Variants in CLPTM1L observed in about 807,000 individuals in gnomAD.
CLPTM1L encodes the protein CLPTM1 like, also known as lipid scramblase CLPTM1L.
CLPTM1L carries 38 observed loss-of-function variants against 70.9 expected under a neutral mutation model. That is an observed-to-expected ratio of 0.54 (90% CI 0.41 to 0.70). CLPTM1L has a LOEUF of 0.70. Among genes scored for constraint, CLPTM1L ranks in the 30% least tolerant of loss-of-function variants. The pLI, the probability that CLPTM1L is intolerant of heterozygous loss-of-function variation, is 0.00. For synonymous variants in CLPTM1L, 339 were observed against 299.9 expected (o/e 1.13, Z -1.35); for missense variants, 652 against 705.9 (o/e 0.92, Z 0.87).
At chr5:1,325,853 T>A in intron 9 of CLPTM1L, 37 bp from the exon 10 acceptor site, 7 of 1,591,162 alleles carry the variant, frequency 4.4e-6, no homozygotes, top group Non-Finnish European at 6.0e-6. Flanking sequence ...CCTTTAATAT[T>A]CGAAGGCCAG....
In CLPTM1L at chr5:1,338,237, G is replaced by C. The variant is rs1753707994; in HGVS notation, c.600-255C>G. 1.6e-5 allele frequency: 9 copies of C among 562,534 alleles called. No homozygotes were observed. In the South Asian group the frequency reaches 1.8e-4, roughly 11 times the overall value. 34.8% of individuals were successfully genotyped at this position (562,534 alleles called of 1,614,324 possible). On this transcript the variant is annotated intron_variant, in intron 4 of 16. Coordinates refer to ENST00000320895, the MANE Select transcript of CLPTM1L (RefSeq NM_030782.5). ...GAAAATGCCTCCACGGCCACTAGGA[G>C]CGGGGGAATTACAGGGACACGGCCG...
rs550010362 is a variant in CLPTM1L, at chr5:1,323,967, A to AGCTACAG, written c.1198-105_1198-99dup. Reference sequence around the variant, plus strand: ...CACCCCGACAGGGACAGACAGAACGAGCTACAGCGCTCAGGGTGGCAGGGC... The same window carrying AGCTACAG: ...CACCCCGACAGGGACAGACAGAACGAGCTACAGGCTACAGCGCTCAGGGTGGCAGGGC... On this transcript the variant is annotated intron_variant, in intron 11 of 16. Transcript: ENST00000320895. 6.1e-4 allele frequency: 580 copies of AGCTACAG among 953,896 alleles called. 2 individuals are homozygous for AGCTACAG. The African/African-American group carries it at 8.5e-3, about 14-fold the overall frequency. 59.1% of individuals were successfully genotyped at this position (953,896 alleles called of 1,614,324 possible).
At position 1,344,813 on chromosome 5, in the gene CLPTM1L, C is replaced by G. The variant is rs1271635851; in HGVS notation, c.29G>C (p.Ser10Thr). 1 of 1,593,210 alleles carries G rather than the reference C, an allele frequency of 6.3e-7. No individual in the cohort carries two copies. The highest frequency in any genetic ancestry group is 1.1e-5 in the South Asian group (1 of 88,258). The change falls in exon 1 of 17, where the codon AGC becomes ACC. Residue 10 changes from serine (S) to threonine (T), a missense_variant. Physicochemically the swap from Ser to Thr is moderately conservative, Grantham distance 58 (BLOSUM62 1). This residue lies in a region of CLPTM1L where 10 missense variants were observed against 22.7 expected (regional missense o/e 0.44). Transcript: ENST00000320895. Reference protein sequence around the residue: MWSGRSSFTSLVVGVFVVYV... With the variant: MWSGRSSFTTLVVGVFVVYV... The stretch of plus-strand genomic sequence containing the variant: ...GACCACGAACACGCCCACCACCAAG[C>G]TGGTGAAGGAGCTGCGGCCGCTCCA...
At chr5:1,326,745 C>T (rs1392937881) in intron 9 of CLPTM1L, among the ~76,000 whole-genome samples, 3 of 151,448 alleles carry the variant, frequency 2.0e-5, no homozygotes, top group Non-Finnish European at 2.9e-5. Flanking sequence ...TTTCATCCAG[C>T]TCCTCCTCTA....
In CLPTM1L at chr5:1,334,382, C is replaced by T. The variant is rs375049069; in HGVS notation, c.798G>A (p.Gly266=). ...CCTCATCAGCATCTTTCTCTGAAAA[C>T]CCTGTCAAGGAAAAAAAAACATACA... ...QDAVYSLQQF[G]FSEKDADEVK... Residue 266 remains glycine, a splice_region_variant and synonymous_variant, in exon 7 of 17, where the codon GGG becomes GGA. Transcript: ENST00000320895. 1.3e-6 allele frequency: 2 copies of T among 1,557,078 alleles called. No individual in the cohort carries two copies. The highest frequency in any genetic ancestry group is 2.4e-5 in the East Asian group (1 of 41,786).
Position 1,341,814 on chromosome 5 carries a change from G to A in CLPTM1L, c.310C>T (p.Leu104=), listed in dbSNP as rs1475590469. 2.5e-6 allele frequency: 4 copies of A among 1,613,894 alleles called. No homozygotes were observed. The highest frequency in any genetic ancestry group is 3.4e-6 in the Non-Finnish European group (4 of 1,179,950). ...VPKKTRNNGT[L]YAYIFLHHAG... is the part of the protein sequence containing the mutation. ...TGATGGAGGAAGATGTAGGCATACAGCGTCCCATTGTTTCTCGTTTTCTTT... is the reference window on the plus strand; with the variant it reads ...TGATGGAGGAAGATGTAGGCATACAACGTCCCATTGTTTCTCGTTTTCTTT... Residue 104 remains leucine, a synonymous_variant, in exon 3 of 17, where the codon CTG becomes TTG. Transcript: ENST00000320895.
In CLPTM1L at chr5:1,330,319, C is replaced by G; in HGVS notation, c.1041G>C (p.Leu347=). ...CAACACCCGCCGGGACCAGCACCAGCAGGCTCGTCTGCTCGTCCAGCAGGA... is the reference window on the plus strand; with the variant it reads ...CAACACCCGCCGGGACCAGCACCAGGAGGCTCGTCTGCTCGTCCAGCAGGA... ...FLFLLDEQTS[L]LVLVPAGVGA... is the part of the protein sequence containing the mutation. Residue 347 remains leucine, a synonymous_variant, in exon 9 of 17, where the codon CTG becomes CTC. Coordinates refer to ENST00000320895, the MANE Select transcript of CLPTM1L (RefSeq NM_030782.5). 1.2e-6 allele frequency: 2 copies of G among 1,612,868 alleles called. No individual in the cohort carries two copies. The highest frequency in any genetic ancestry group is 1.3e-5 in the African/African-American group (1 of 75,062).
At chr5:1,334,510 T>C (rs1753430143) in intron 6 of CLPTM1L, 127 bp from the exon 7 acceptor site, 2 of 629,934 alleles carry the variant, frequency 3.2e-6, no homozygotes, top group Admixed American at 2.9e-5. Context: ...ACCCAGCACT[T>C]TGGGAATCTC....
chr5:1,344,830 G>A lies in CLPTM1L; in HGVS notation c.12C>T (p.Gly4=), dbSNP rs896753851. 16 of 1,559,926 alleles carry A rather than the reference G, an allele frequency of 1.0e-5. No individual in the cohort carries two copies. Among genetic ancestry groups the A allele is most frequent in the Middle Eastern group, 1.8e-4 (1 of 5,562 alleles). Residue 4 remains glycine (G), a synonymous_variant, in exon 1 of 17, where the codon GGC becomes GGT. Transcript: ENST00000320895. The part of the protein sequence containing the change: MWS[G]RSSFTSLVVG... The stretch of plus-strand genomic sequence containing the variant: ...CCACCAAGCTGGTGAAGGAGCTGCG[G>A]CCGCTCCACATGGCGGCCCCGCGCC...
chr5:1,322,118 T>C lies in CLPTM1L; in HGVS notation c.1316-299A>G, dbSNP rs143005231. 6.8e-3 allele frequency among the ~76,000 whole-genome samples: 1,042 copies of C among 152,348 alleles called. 7 individuals carry two copies. Among genetic ancestry groups the C allele is most frequent in the African/African-American group, 0.023 (964 of 41,586 alleles). ...AGAGCACTGGAGCACCCTGGGGCTA[T>C]GAGGACACGGCCTCCTGACCCACAA... is the stretch of plus-strand genomic sequence containing the variant. On this transcript the variant is annotated intron_variant, in intron 13 of 16. Coordinates refer to ENST00000320895, the MANE Select transcript of CLPTM1L (RefSeq NM_030782.5).
chr5:1,330,304 C>T lies in CLPTM1L; in HGVS notation c.1056G>A (p.Pro352=), dbSNP rs569450173. 72 of 1,612,824 alleles carry T rather than the reference C, an allele frequency of 4.5e-5. No individual in the cohort carries two copies. The highest frequency in any genetic ancestry group is 3.3e-4 in the Middle Eastern group (2 of 6,062). ...CCTCAATGGCGGCTCCAACACCCGC[C>T]GGGACCAGCACCAGCAGGCTCGTCT... ...DEQTSLLVLV[P]AGVGAAIELW... is the part of the protein sequence containing the mutation. The change falls in exon 9 of 17, where the codon CCG becomes CCA. Residue 352 remains proline (P), a synonymous_variant. Transcript: ENST00000320895.
chr5:1,335,193 C>G lies in CLPTM1L; in HGVS notation c.679-19G>C, dbSNP rs114266820. 1.3e-3 allele frequency: 2,033 copies of G among 1,596,556 alleles called. 24 individuals are homozygous for G. In the African/African-American group the frequency reaches 0.025, roughly 20 times the overall value. ...TTATGACCTGATGAAGAAAGCCACACTGAGGGCCCTGCCCTCATACCCTTG... is the reference window on the plus strand; with the variant it reads ...TTATGACCTGATGAAGAAAGCCACAGTGAGGGCCCTGCCCTCATACCCTTG... On this transcript the variant is annotated intron_variant, in intron 5 of 16. Transcript: ENST00000320895.
chr5:1,333,410 TAC>T (rs1220255924), intron 7 of CLPTM1L, among the ~76,000 whole-genome samples: 9 of 824 alleles, frequency 0.011, no homozygotes, highest in East Asian at 0.062. Context: ...GACTACTGTA[TAC>T]ACACACGGGA....
intron 13 of CLPTM1L, among the ~76,000 whole-genome samples, chr5:1,322,221 C>T (rs1046701541): frequency 1.3e-5 from 2 of 152,220 alleles, no homozygotes; most frequent in African/African-American, 4.8e-5. Context: ...CTGCACCAGA[C>T]AGGCCCTCGC....
chr5:1,343,263 G>A (rs191254914), intron 2 of CLPTM1L, among the ~76,000 whole-genome samples: 3 of 152,236 alleles, frequency 2.0e-5, no homozygotes, highest in East Asian at 1.9e-4. Context: ...TCACTACCCA[G>A]GAAAGAGTAT....
Position 1,344,671 on chromosome 5 carries a change from G to A in CLPTM1L, c.162+9C>T, listed in dbSNP as rs1579662271. ...AACCCGCCCGGCCCCCGGCCCCGCG[G>A]ACGCTCACCTGCAGCTTGGGCCGCC... is the stretch of plus-strand genomic sequence containing the variant. On this transcript the variant is annotated intron_variant, in intron 1 of 16. Transcript: ENST00000320895. The A allele has an allele frequency of 6.5e-7, 1 of 1,549,342 alleles. No homozygotes were observed. The highest frequency in any genetic ancestry group is 8.7e-7 in the Non-Finnish European group (1 of 1,147,138).
At chr5:1,333,456 G>T (rs1029002257) in intron 7 of CLPTM1L, among the ~76,000 whole-genome samples, 2 of 137,170 alleles carry the variant, frequency 1.5e-5, no homozygotes, top group African/African-American at 2.7e-5. Context: ...ATACACATTG[G>T]ATGAGGATAA....
At chr5:1,343,863 T>C (rs1201816125) in intron 2 of CLPTM1L, among the ~76,000 whole-genome samples, 2 of 152,266 alleles carry the variant, frequency 1.3e-5, no homozygotes, top group African/African-American at 2.4e-5. Context: ...ATGTCAGATG[T>C]AATTTTTAAG....
intron 9 of CLPTM1L, among the ~76,000 whole-genome samples, chr5:1,327,736 C>A: frequency 7.5e-6 from 1 of 133,016 alleles, no homozygotes; most frequent in African/African-American, 3.0e-5. Flanking sequence ...TCCAGCTCCT[C>A]CTCTACAGGG....
Sources: gnomAD v4.1 joint callset for allele counts (sites outside exome capture counted in the v4.1 genomes callset) on GRCh38, gnomAD v4.1.1 for gene constraint, gnomAD v4.1.1 regional missense constraint, MANE v1.5 for transcripts, NCBI Gene and HGNC (gene_info 2026-07-23, HGNC 2026-07-21) for gene names.